TET3: variants seen among roughly 807,000 people sequenced by gnomAD.
The protein encoded by TET3 is methylcytosine dioxygenase TET3.
In TET3, 19 loss-of-function variants were observed where a neutral mutation model predicts 141.4. The observed-to-expected ratio is 0.13, with a 90% confidence interval of 0.09 to 0.20. The LOEUF (loss-of-function observed/expected upper bound fraction) is 0.20, where lower values mean the gene tolerates loss of function less well. Among genes scored for constraint, TET3 ranks in the 10% least tolerant of loss-of-function variants. The probability of loss-of-function intolerance (pLI) is 1.00; values close to 1 mark genes in which losing one functional copy is unlikely to be tolerated. For synonymous variants in TET3, 1,043 were observed against 980.9 expected (o/e 1.06, Z -1.18); for missense variants, 1,874 against 2,356.9 (o/e 0.80, Z 4.24).
rs776253593 is a variant in TET3, at chr2:74,046,968, A to C, written c.1051A>C (p.Asn351His). 2 of 1,613,912 alleles carry C rather than the reference A, an allele frequency of 1.2e-6. No individual in the cohort carries two copies. Among genetic ancestry groups the C allele is most frequent in the East Asian group, 2.2e-5 (1 of 44,842 alleles). The part of the protein sequence containing the change: ...QSALSIAKEK[N>H]ISLQTAIAIE... ...TGCCCTGAGCATTGCCAAGGAAAAAAACATCAGCTTGCAGACCGCCATTGC... is the reference window on the plus strand; with the variant it reads ...TGCCCTGAGCATTGCCAAGGAAAAACACATCAGCTTGCAGACCGCCATTGC... Residue 351 changes from asparagine to histidine, a missense_variant, in exon 4 of 12, where the codon AAC (asparagine) becomes CAC (histidine). Around this residue, in one of 10 missense-constraint regions of TET3, gnomAD observed 366 missense variants for 487.0 expected, o/e 0.75. Transcript: ENST00000409262. The surrounding 1 kb of genome is among the most constrained non-coding windows in gnomAD (Gnocchi z 4.3).
At chr2:74,042,146 T>C (rs1687373463) in intron 3 of TET3, among the ~76,000 whole-genome samples, 1 of 152,336 alleles carries the variant, frequency 6.6e-6, no homozygotes, top group Middle Eastern at 3.4e-3. Context: ...TAACCAGTGG[T>C]GAACCGGCCC....
At chr2:74,068,253 T>G (rs548724535) in intron 4 of TET3, among the ~76,000 whole-genome samples, 99 of 152,146 alleles carry the variant, frequency 6.5e-4, no homozygotes, top group African/African-American at 2.3e-3. Flanking sequence ...TTTACTCTGC[T>G]ATTCTTAGAG....
chr2:74,093,437 A>G lies in TET3; in HGVS notation c.3130-92A>G, dbSNP rs1573905850. 2.1e-6 allele frequency: 3 copies of G among 1,453,884 alleles called. No homozygotes were observed. Among genetic ancestry groups the G allele is most frequent in the East Asian group, 4.8e-5 (2 of 41,596 alleles). 90.1% of individuals were successfully genotyped at this position (1,453,884 alleles called of 1,614,324 possible). A position where few individuals can be genotyped will look rare whatever the true frequency, so the allele number is the denominator to read the frequency against. On this transcript the variant is annotated intron_variant, in intron 9 of 11. Transcript: ENST00000409262. This position sits in a 1 kb window ranked among gnomAD's most constrained non-coding sequence, Gnocchi z 4.2. ...GGGCAAGGTGACTATCATCCTTAACATCCCTCCTTCCAAGACCTGGCCTCC... is the reference window on the plus strand; with the variant it reads ...GGGCAAGGTGACTATCATCCTTAACGTCCCTCCTTCCAAGACCTGGCCTCC...
At chr2:74,135,200 G>A in the TET3 span, 11 of 266,600 alleles carry the variant, frequency 4.1e-5, no homozygotes, top group South Asian at 4.7e-4. Context: ...AATGATAAAC[G>A]AAAAGAACAG....
chr2:74,135,453 T>C, the TET3 span: 1 of 1,263,560 alleles, frequency 7.9e-7, no homozygotes, highest in Non-Finnish European at 1.1e-6. Context: ...TCTAAATAGA[T>C]TATACATCTT....
upstream of TET3, among the ~76,000 whole-genome samples, chr2:73,984,102 G>GCT (rs1683877622): frequency 6.6e-6 from 1 of 152,248 alleles, no homozygotes; most frequent in South Asian, 2.1e-4. This position sits in a 1 kb window ranked among gnomAD's most constrained non-coding sequence, Gnocchi z 5.6. Flanking sequence ...GGGTTTTAGG[G>GCT]CTTAGTCGCC....
chr2:74,050,586 G>C (rs910155779), intron 4 of TET3, among the ~76,000 whole-genome samples: 5 of 152,236 alleles, frequency 3.3e-5, no homozygotes, highest in African/African-American at 1.2e-4. Flanking sequence ...GTCTCACTCT[G>C]TTGCGGGGGC....
chr2:74,111,104 C>A (rs963356947), downstream of TET3, among the ~76,000 whole-genome samples: 1 of 152,168 alleles, frequency 6.6e-6, no homozygotes, highest in Non-Finnish European at 1.5e-5. Context: ...CCTCTGCTCC[C>A]GGACTGCATA....
intron 4 of TET3, among the ~76,000 whole-genome samples, chr2:74,055,531 C>G (rs972475009): frequency 6.6e-6 from 1 of 152,178 alleles, no homozygotes; most frequent in African/African-American, 2.4e-5. Flanking sequence ...AGGCATCATG[C>G]TAGCAGTCAT....
chr2:74,102,259 G>A lies in TET3; in HGVS notation c.*83G>A. 7.3e-7 allele frequency: 1 copy of A among 1,363,558 alleles called. No individual in the cohort carries two copies. Among genetic ancestry groups the A allele is most frequent in the East Asian group, 2.7e-5 (1 of 37,288 alleles). 84.5% of individuals were successfully genotyped at this position (1,363,558 alleles called of 1,614,324 possible). A position where few individuals can be genotyped will look rare whatever the true frequency, so the allele number is the denominator to read the frequency against. ...CTTTTGCCCTCATACCTGGGGGCGGGTTGGGGGTGCAGAAGTCTTTTTATC... is the reference window on the plus strand; with the variant it reads ...CTTTTGCCCTCATACCTGGGGGCGGATTGGGGGTGCAGAAGTCTTTTTATC... On this transcript the variant is annotated 3_prime_UTR_variant, in exon 12 of 12. Transcript: ENST00000409262.
At chr2:74,062,851 A>C (rs958022047) in intron 4 of TET3, among the ~76,000 whole-genome samples, 2 of 150,416 alleles carry the variant, frequency 1.3e-5, no homozygotes, top group African/African-American at 4.9e-5. Flanking sequence ...ATGCTGAAGG[A>C]TCTAAATACT....
the TET3 span, among the ~76,000 whole-genome samples, chr2:74,124,330 G>C: frequency 2.0e-5 from 3 of 147,866 alleles, no homozygotes; most frequent in Admixed American, 6.7e-5. Flanking sequence ...GCCCCTGCCC[G>C]GCCAGCCGCC....
At chr2:74,021,388 C>A (rs532333384) in intron 3 of TET3, among the ~76,000 whole-genome samples, 6 of 152,352 alleles carry the variant, frequency 3.9e-5, no homozygotes, top group African/African-American at 1.4e-4. Flanking sequence ...TTAGCCCACC[C>A]GTTGGACAAA....
chr2:74,006,572 C>T (rs1685160948), intron 3 of TET3, among the ~76,000 whole-genome samples: 1 of 152,188 alleles, frequency 6.6e-6, no homozygotes, highest in Non-Finnish European at 1.5e-5. Context: ...GGCCTGGGCA[C>T]TGGGCTCCCT....
At chr2:74,043,897 C>T (rs189182664) in intron 3 of TET3, among the ~76,000 whole-genome samples, 247 of 152,276 alleles carry the variant, frequency 1.6e-3, no homozygotes, top group African/African-American at 5.7e-3. Context: ...CAGTGTCTCA[C>T]ACCTATAATC....
At chr2:74,115,161 A>G in the TET3 span, among the ~76,000 whole-genome samples, 4 of 152,344 alleles carry the variant, frequency 2.6e-5, no homozygotes, top group South Asian at 8.3e-4. Context: ...CAGCAGAGTA[A>G]AAAGGCAATC....
chr2:73,986,674 G>A lies in TET3; in HGVS notation c.271G>A (p.Val91Met). The change falls in exon 2 of 12, where the codon GTG becomes ATG. Residue 91 changes from valine to methionine, a missense_variant. Around this residue, in one of 10 missense-constraint regions of TET3, gnomAD observed 366 missense variants for 487.0 expected, o/e 0.75. Coordinates refer to ENST00000409262, the MANE Select transcript of TET3 (RefSeq NM_001287491.2). ...GATCTGCAAACTGCGAAAATGTGAG[G>A]TGCTGAAGAAAAAAGTAGGGCTTCT... ...HQICKLRKCEVLKKKVGLLKE... is the reference protein window; with the variant it reads ...HQICKLRKCEMLKKKVGLLKE... 8.1e-7 allele frequency: 1 copy of A among 1,232,064 alleles called. No individual in the cohort carries two copies. Among genetic ancestry groups the A allele is most frequent in the Non-Finnish European group, 1.0e-6 (1 of 987,972 alleles). The allele number at this position is 1,232,064 out of a possible 1,614,324, so 76.3% of individuals were successfully genotyped here. A position where few individuals can be genotyped will look rare whatever the true frequency, so the allele number is the denominator to read the frequency against.
intron 4 of TET3, among the ~76,000 whole-genome samples, chr2:74,059,783 A>G (rs1180664988): frequency 6.6e-6 from 1 of 152,042 alleles, no homozygotes; most frequent in Non-Finnish European, 1.5e-5. Flanking sequence ...TTGGCCTCTC[A>G]GCATGCTGGG....
intron 2 of TET3, among the ~76,000 whole-genome samples, chr2:74,000,415 C>T (rs1485427743): frequency 6.6e-6 from 1 of 152,172 alleles, no homozygotes. Flanking sequence ...AGAGGCAGTA[C>T]ACTGCTCTGT....
Sources: allele counts gnomAD v4.1 joint callset (sites outside exome capture counted in the v4.1 genomes callset), GRCh38; gene constraint gnomAD v4.1.1; regional missense constraint gnomAD v4.1.1; non-coding constraint Gnocchi (gnomAD v3.1); transcripts MANE v1.5; gene names NCBI Gene and HGNC (gene_info 2026-07-23, HGNC 2026-07-21).